Variants in RPS19BP1 observed in about 807,000 individuals in gnomAD.
RPS19BP1 encodes the protein ribosomal protein S19 binding protein 1, also known as active regulator of SIRT1.
In RPS19BP1, 14 loss-of-function variants were observed where a neutral mutation model predicts 16.6. The observed-to-expected ratio is 0.84, with a 90% CI of 0.56 to 1.32. RPS19BP1 has a LOEUF of 1.32. RPS19BP1 is among the 40% of genes most tolerant of loss of function. The pLI, the probability that RPS19BP1 is intolerant of heterozygous loss-of-function variation, is 0.00. For synonymous variants in RPS19BP1, 90 were observed against 77.3 expected (o/e 1.16, Z -0.86); for missense variants, 188 against 178.6 (o/e 1.05, Z -0.30).
chr22:39,532,094 G>A (rs2145772604), intron 2 of RPS19BP1: 3 of 352,526 alleles, frequency 8.5e-6, no homozygotes, highest in Non-Finnish European at 1.6e-5. Context: ...AGGCTGACTT[G>A]GCCTAAGTCC....
chr22:39,529,810 C>T lies in RPS19BP1; in HGVS notation c.279+10G>A. 1 of 1,613,792 alleles carries T rather than the reference C, an allele frequency of 6.2e-7. No individual in the cohort carries two copies. Among genetic ancestry groups the T allele is most frequent in the Non-Finnish European group, 8.5e-7 (1 of 1,179,710 alleles). On this transcript the variant is annotated intron_variant, in intron 3 of 3. Transcript: ENST00000334678. ...CTCCCAGGTCCCTTCCTATAGTACC[C>T]TCGACCAACCTGCTGGCTCACAGAC...
intron 2 of RPS19BP1, chr22:39,530,468 A>G: frequency 7.8e-6 from 2 of 255,274 alleles, no homozygotes; most frequent in Non-Finnish European, 8.0e-6. Context: ...TCACACCTGT[A>G]ATCTCAGCAC....
intron 2 of RPS19BP1, chr22:39,530,531 G>A (rs769079072): frequency 1.3e-4 from 35 of 274,340 alleles, no homozygotes; most frequent in Non-Finnish European, 2.0e-4. Context: ...CGAGATCAGC[G>A]TGGCCAACAT....
chr22:39,530,163 C>T (rs1052431663), intron 2 of RPS19BP1: 1 of 503,714 alleles, frequency 2.0e-6, no homozygotes, highest in East Asian at 3.4e-5. Context: ...TACTCTGGAG[C>T]TTTCGCTTCA....
At chr22:39,532,241 C>T in intron 2 of RPS19BP1, 154 bp downstream of exon 2, 2 of 1,028,826 alleles carry the variant, frequency 1.9e-6, no homozygotes, top group Non-Finnish European at 2.8e-6. Flanking sequence ...CGTGTTCTGT[C>T]ACCTTCGTAT....
chr22:39,529,951 T>C, intron 2 of RPS19BP1, 34 bp from the exon 3 acceptor site: 1 of 1,546,962 alleles, frequency 6.5e-7, no homozygotes, highest in Non-Finnish European at 8.9e-7. Flanking sequence ...CCATTTCAGA[T>C]TCACTCCCCC....
chr22:39,532,713 C>T lies in RPS19BP1; in HGVS notation c.26G>A (p.Gly9Asp), dbSNP rs772054288. The stretch of plus-strand genomic sequence containing the variant: ...CTCGGACGCCGCCAGCAGCTCCAGG[C>T]CCCGCCGCAGCAGGGCGGCGGACAT... MSAALLRR[G>D]LELLAASEAP... The change falls in exon 1 of 4, where the codon GGC (glycine) becomes GAC (aspartate). Residue 9 changes from glycine to aspartate, a missense_variant. Gly to Asp is a moderately conservative substitution (Grantham distance 94). Transcript: ENST00000334678. 5 of 1,544,454 alleles carry T rather than the reference C, an allele frequency of 3.2e-6. No homozygotes were observed. The African/African-American group carries it at 4.1e-5, about 13-fold the overall frequency.
In RPS19BP1 at chr22:39,532,096, C is replaced by T. The variant is rs547400104; in HGVS notation, c.181+299G>A. 728 of 362,818 alleles carry T rather than the reference C, an allele frequency of 2.0e-3. 17 individuals carry two copies. Among genetic ancestry groups the T allele is most frequent in the South Asian group, 0.016 (584 of 35,604 alleles). 22.5% of individuals were successfully genotyped at this position (362,818 alleles called of 1,614,324 possible). A position where few individuals can be genotyped will look rare whatever the true frequency, so the allele number is the denominator to read the frequency against. On this transcript the variant is annotated intron_variant, in intron 2 of 3. Coordinates refer to ENST00000334678, the MANE Select transcript of RPS19BP1 (RefSeq NM_194326.4). ...GCTTCCTCAGAGAAGGCTGACTTGG[C>T]CTAAGTCCCCATCAGAGTACCGTAG...
chr22:39,529,750 C>A (rs1248712980), intron 3 of RPS19BP1, 70 bp downstream of exon 3: 7 of 1,597,640 alleles, frequency 4.4e-6, no homozygotes, highest in East Asian at 2.2e-5. Context: ...GCTGAGACCG[C>A]CATGGGTCCC....
At chr22:39,531,663 C>T (rs1407634746) in intron 2 of RPS19BP1, 2 of 152,318 alleles carry the variant, frequency 1.3e-5, no homozygotes, top group Non-Finnish European at 2.9e-5. Flanking sequence ...GCCCAGGCCA[C>T]AGCATGTCCT....
At chr22:39,531,397 G>A (rs1931306370) in intron 2 of RPS19BP1, 3 of 152,210 alleles carry the variant, frequency 2.0e-5, no homozygotes, top group Admixed American at 2.0e-4. Flanking sequence ...TTATGCATTA[G>A]ACTCTAGGGA....
chr22:39,529,949 G>C, intron 2 of RPS19BP1, 32 bp from the exon 3 acceptor site: 1 of 1,549,828 alleles, frequency 6.5e-7, no homozygotes, highest in Non-Finnish European at 8.9e-7. Context: ...CACCATTTCA[G>C]ATTCACTCCC....
chr22:39,532,618 A>T, intron 1 of RPS19BP1, 69 bp downstream of exon 1: 2 of 1,600,806 alleles, frequency 1.2e-6, no homozygotes, highest in South Asian at 2.2e-5. Context: ...TTTTCCATCC[A>T]GGGCTCCCGC....
At chr22:39,532,568 A>G (rs1931345573) in intron 1 of RPS19BP1, 45 bp from the exon 2 acceptor site, 2 of 1,611,770 alleles carry the variant, frequency 1.2e-6, no homozygotes, top group East Asian at 4.5e-5. Context: ...GAGGGCGCGC[A>G]GCGTTCCCAT....
At chr22:39,530,004 C>T (rs963697479) in intron 2 of RPS19BP1, 87 bp from the exon 3 acceptor site, 2 of 1,058,928 alleles carry the variant, frequency 1.9e-6, no homozygotes, top group Admixed American at 1.9e-5. Context: ...TGCCAAAGAC[C>T]TCATCGTTCC....
rs769648223 is a variant in RPS19BP1, at chr22:39,532,498, G to C, written c.78C>G (p.Ala26=). ...GTTTCACCGGAGCCCCTCTCGGCTT[G>C]GCCTGACCTGGAGGGTCCCGGGGGG... ...SEAPRDPPGQ[A]KPRGAPVKRP... The change falls in exon 2 of 4, where the codon GCC becomes GCG. Residue 26 remains alanine (A), a synonymous_variant. Coordinates refer to ENST00000334678, the MANE Select transcript of RPS19BP1 (RefSeq NM_194326.4). The C allele has an allele frequency of 9.3e-6, 15 of 1,614,018 alleles. No individual in the cohort carries two copies. The highest frequency in any genetic ancestry group is 1.2e-5 in the Non-Finnish European group (14 of 1,180,030).
chr22:39,531,812 G>A (rs1276577277), intron 2 of RPS19BP1: 1 of 152,834 alleles, frequency 6.5e-6, no homozygotes, highest in Non-Finnish European at 1.5e-5. Flanking sequence ...AAGGGCTGCT[G>A]TAAGGATCAA....
At chr22:39,531,665 G>C (rs2145772300) in intron 2 of RPS19BP1, 1 of 152,376 alleles carries the variant, frequency 6.6e-6, no homozygotes, top group African/African-American at 2.4e-5. Context: ...CCAGGCCACA[G>C]CATGTCCTAT....
At position 39,529,581 on chromosome 22, in the gene RPS19BP1, C is replaced by A; in HGVS notation, c.322G>T (p.Val108Leu). ...NRGRKACDRP[V>L]AKTKKKKAEG... Reference sequence around the variant, plus strand: ...GCCTTCTTCTTCTTGGTCTTGGCCACAGGCCGGTCACAGGCCTTGCGGCCC... The same window carrying A: ...GCCTTCTTCTTCTTGGTCTTGGCCAAAGGCCGGTCACAGGCCTTGCGGCCC... Residue 108 changes from valine (V) to leucine (L), a missense_variant, in exon 4 of 4, where the codon GTG becomes TTG. By Grantham distance (32) the Val-to-Leu change is conservative (BLOSUM62 1). Coordinates refer to ENST00000334678, the MANE Select transcript of RPS19BP1 (RefSeq NM_194326.4). The A allele has an allele frequency of 6.2e-7, 1 of 1,614,198 alleles. No individual in the cohort carries two copies. Among genetic ancestry groups the A allele is most frequent in the Non-Finnish European group, 8.5e-7 (1 of 1,180,030 alleles).
Sources: gnomAD v4.1 joint callset for allele counts on GRCh38, gnomAD v4.1.1 for gene constraint, MANE v1.5 for transcripts, NCBI Gene and HGNC (gene_info 2026-07-23, HGNC 2026-07-21) for gene names.